ADAMTS18: variants seen among roughly 807,000 people sequenced by gnomAD.
The protein encoded by ADAMTS18 is A disintegrin and metalloproteinase with thrombospondin motifs 18.
ADAMTS18 carries 157 observed loss-of-function variants against 165.9 expected under a neutral mutation model. The observed-to-expected ratio is 0.95, with a 90% CI of 0.83 to 1.08. ADAMTS18 has a LOEUF of 1.08. ADAMTS18 is among the 50% of genes least tolerant of loss of function. ADAMTS18 has a pLI of 0.00. For synonymous variants in ADAMTS18, 782 were observed against 578.2 expected (o/e 1.35, Z -5.06); for missense variants, 2,040 against 1,534.0 (o/e 1.33, Z -5.51).
Position 77,434,670 on chromosome 16 carries a change from C to A in ADAMTS18, c.26G>T (p.Cys9Phe). 1 of 1,479,296 alleles carries A rather than the reference C, an allele frequency of 6.8e-7. No individual in the cohort carries two copies. 91.6% of individuals were successfully genotyped at this position (1,479,296 alleles called of 1,614,324 possible). A position where few individuals can be genotyped will look rare whatever the true frequency, so the allele number is the denominator to read the frequency against. Residue 9 changes from cysteine (C) to phenylalanine (F), a missense_variant, in exon 1 of 23, where the codon TGT becomes TTT. Coordinates refer to ENST00000282849, the MANE Select transcript of ADAMTS18 (RefSeq NM_199355.4). MECALLLA[C>F]AFPAAGSGPP... ...GCCCGAACCCGCAGCCGGGAAGGCA[C>A]ACGCGAGCAGGAGGGCGCACTCCAT... is the stretch of plus-strand genomic sequence containing the variant.
intron 3 of ADAMTS18, among the ~76,000 whole-genome samples, chr16:77,421,143 T>A (rs940375657): frequency 3.9e-5 from 6 of 152,106 alleles, no homozygotes; most frequent in African/African-American, 1.4e-4. Context: ...GCAGATAAAA[T>A]ATTCCCAAGC....
chr16:77,368,205 T>C (rs1318762191), intron 3 of ADAMTS18, among the ~76,000 whole-genome samples: 2 of 152,098 alleles, frequency 1.3e-5, no homozygotes, highest in South Asian at 2.1e-4. Context: ...GAAGCTAAGA[T>C]AGTAAGTAGG....
chr16:77,293,222 C>T lies in ADAMTS18; in HGVS notation c.3043G>A (p.Glu1015Lys), dbSNP rs1461358945. Residue 1015 changes from glutamate (E) to lysine (K), a missense_variant, in exon 20 of 23, where the codon GAA (glutamate) becomes AAA (lysine). Transcript: ENST00000282849. ...KTCGRGVRKR[E>K]LLCKGSAAET... Reference sequence around the variant, plus strand: ...GCGGCAGAGCCCTTGCAGAGGAGTTCACGCTTCCTCACCCCTCGTCCACAG... The same window carrying T: ...GCGGCAGAGCCCTTGCAGAGGAGTTTACGCTTCCTCACCCCTCGTCCACAG... 1 of 1,613,874 alleles carries T rather than the reference C, an allele frequency of 6.2e-7. No homozygotes were observed. Among genetic ancestry groups the T allele is most frequent in the South Asian group, 1.1e-5 (1 of 91,054 alleles).
chr16:77,354,007 T>C, intron 9 of ADAMTS18, 121 bp from the exon 10 acceptor site: 3 of 1,245,252 alleles, frequency 2.4e-6, no homozygotes, highest in Admixed American at 1.7e-5. Context: ...GAAACAGGTA[T>C]ATGTTTAAAG....
chr16:77,316,261 T>TG (rs1232504403), intron 16 of ADAMTS18, among the ~76,000 whole-genome samples: 2 of 23,782 alleles, frequency 8.4e-5, no homozygotes, highest in African/African-American at 2.5e-4. Context: ...CTGGTTGAAT[T>TG]TTTTTTTTTT....
chr16:77,348,866 C>A (rs2144703174), intron 10 of ADAMTS18, among the ~76,000 whole-genome samples: 1 of 152,204 alleles, frequency 6.6e-6, no homozygotes, highest in South Asian at 2.1e-4. Context: ...TGAATTGAAT[C>A]TTTAACAACA....
At chr16:77,288,575 C>T (rs2055300752) in intron 22 of ADAMTS18, among the ~76,000 whole-genome samples, 2 of 152,048 alleles carry the variant, frequency 1.3e-5, no homozygotes, top group South Asian at 4.1e-4. Context: ...TTTAAGAAAA[C>T]ATTTAGGTAT....
chr16:77,333,545 C>T (rs115609777), intron 12 of ADAMTS18, among the ~76,000 whole-genome samples: 1,615 of 149,646 alleles, frequency 0.011, 29 homozygotes, highest in African/African-American at 0.037. Flanking sequence ...TAAATCAGCA[C>T]GGTGGTTCCT....
chr16:77,392,638 G>A (rs546049502), intron 3 of ADAMTS18, among the ~76,000 whole-genome samples: 30 of 152,036 alleles, frequency 2.0e-4, no homozygotes, highest in Non-Finnish European at 2.9e-4. Context: ...TAGAGTGCAG[G>A]CACCAGGGAT....
intron 4 of ADAMTS18, 25 bp downstream of exon 4, chr16:77,367,416 A>G (rs1394300200): frequency 3.7e-6 from 6 of 1,613,698 alleles, no homozygotes; most frequent in African/African-American, 1.3e-5. Flanking sequence ...ATAAGAACAG[A>G]AAAAGAAAAA....
intron 3 of ADAMTS18, among the ~76,000 whole-genome samples, chr16:77,394,171 G>A (rs1352875041): frequency 6.6e-6 from 1 of 152,184 alleles, no homozygotes; most frequent in Non-Finnish European, 1.5e-5. Context: ...GGGTGGAAGT[G>A]GGGAGGATAA....
rs112052053 is a variant in ADAMTS18 at position 77,408,423 on chromosome 16, T to G, written c.495+22872A>C. Among the ~76,000 whole-genome samples the G allele has an allele frequency of 7.4e-3, 1,132 of 152,216 alleles. 21 individuals carry two copies. Among genetic ancestry groups the G allele is most frequent in the African/African-American group, 0.025 (1,054 of 41,558 alleles). On this transcript the variant is annotated intron_variant, in intron 3 of 22. Transcript: ENST00000282849. ...AAAGAATAGTCACAACAGCATTATT[T>G]GTAATATCCCCAAACCAGAAACAAC...
At chr16:77,390,205 T>G (rs2057166788) in intron 3 of ADAMTS18, among the ~76,000 whole-genome samples, 1 of 152,020 alleles carries the variant, frequency 6.6e-6, no homozygotes, top group Non-Finnish European at 1.5e-5. Context: ...ATAACGGCAG[T>G]GGAAACCAAG....
intron 3 of ADAMTS18, among the ~76,000 whole-genome samples, chr16:77,381,154 G>A (rs1375544216): frequency 6.6e-6 from 1 of 152,122 alleles, no homozygotes; most frequent in African/African-American, 2.4e-5. Flanking sequence ...GATTAGAGGC[G>A]TGAGTCACCA....
chr16:77,434,504 G>C lies in ADAMTS18; in HGVS notation c.92C>G (p.Ala31Gly). ...GLAGLGRVAK[A>G]LQLCCLCCAS... is the part of the protein sequence containing the mutation. ...ACAGCAGAGGCAGCACAGCTGGAGC[G>C]CCTGCAAGAGAAAAGGTGACATCGC... Residue 31 changes from alanine to glycine, a missense_variant and splice_region_variant, in exon 2 of 23, where the codon GCG (alanine) becomes GGG (glycine). Transcript: ENST00000282849. 6.4e-7 allele frequency: 1 copy of C among 1,557,162 alleles called. No homozygotes were observed.
At position 77,285,831 on chromosome 16, in the gene ADAMTS18, C is replaced by G. The variant is rs1048721857; in HGVS notation, c.3551-1760G>C. On this transcript the variant is annotated intron_variant, in intron 22 of 22. Coordinates refer to ENST00000282849, the MANE Select transcript of ADAMTS18 (RefSeq NM_199355.4). Reference sequence around the variant, plus strand: ...TCAATCTTTAAAATGCACCCAGCATCCAACCTCTTCAGTACTGCCACTGCT... The same window carrying G: ...TCAATCTTTAAAATGCACCCAGCATGCAACCTCTTCAGTACTGCCACTGCT... Among the ~76,000 whole-genome samples, 3 of 152,160 alleles carry G rather than the reference C, an allele frequency of 2.0e-5. No homozygotes were observed. In the East Asian group the frequency reaches 5.8e-4, roughly 29 times the overall value.
intron 3 of ADAMTS18, among the ~76,000 whole-genome samples, chr16:77,411,850 C>A (rs1013930414): frequency 3.3e-5 from 5 of 151,692 alleles, no homozygotes; most frequent in Admixed American, 1.3e-4. Context: ...CCAAGCCCAG[C>A]TAATTTTTTG....
chr16:77,330,468 T>C (rs2056169529), intron 12 of ADAMTS18, among the ~76,000 whole-genome samples: 1 of 152,150 alleles, frequency 6.6e-6, no homozygotes, highest in South Asian at 2.1e-4. Flanking sequence ...GTTGCTACCG[T>C]GAATGGGGCC....
chr16:77,393,809 G>A (rs1309680251), intron 3 of ADAMTS18, among the ~76,000 whole-genome samples: 1 of 152,204 alleles, frequency 6.6e-6, no homozygotes, highest in Non-Finnish European at 1.5e-5. Context: ...TGTGGGCTGG[G>A]CCCATTATGG....
Sources: allele counts gnomAD v4.1 joint callset (sites outside exome capture counted in the v4.1 genomes callset), GRCh38; gene constraint gnomAD v4.1.1; transcripts MANE v1.5; gene names NCBI Gene and HGNC (gene_info 2026-07-23, HGNC 2026-07-21).